MYO1H: variants seen among roughly 807,000 people sequenced by gnomAD.
MYO1H encodes the protein unconventional myosin-Ih.
In MYO1H, 118 loss-of-function variants were observed where a neutral mutation model predicts 149.3. The ratio of observed to expected loss-of-function variants is 0.79; its 90% confidence interval spans 0.68 to 0.92. The LOEUF (loss-of-function observed/expected upper bound fraction) is 0.92, where lower values mean the gene tolerates loss of function less well. MYO1H is among the 40% of genes least tolerant of loss of function. The pLI, the probability that MYO1H is intolerant of heterozygous loss-of-function variation, is 0.00. For missense variants in MYO1H, 1,212 were observed against 1,280.7 expected, an observed-to-expected ratio of 0.95 and a Z score of 0.82; for synonymous variants, 447 against 465.2, an observed-to-expected ratio of 0.96 and a Z score of 0.50.
chr12:109,400,700 C>T (rs573340935), intron 5 of MYO1H, among the ~76,000 whole-genome samples: 1 of 152,260 alleles, frequency 6.6e-6, no homozygotes, highest in Admixed American at 6.5e-5. Context: ...AGCTGATTTA[C>T]AACGAAACCA....
At chr12:109,413,130 C>T (rs751803745) in intron 14 of MYO1H, among the ~76,000 whole-genome samples, 14 of 150,880 alleles carry the variant, frequency 9.3e-5, no homozygotes, top group Non-Finnish European at 1.3e-4. Context: ...TGCGCCATCA[C>T]GCCTGGCTAT....
intron 23 of MYO1H, 120 bp from the exon 24 acceptor site, chr12:109,439,511 A>ACATTCCAGGCCTC: frequency 9.0e-6 from 9 of 1,003,494 alleles, no homozygotes; most frequent in Admixed American, 2.4e-5. Context: ...CCTCTGGCCT[A>ACATTCCAGGCCTC]TGTGGTCATC....
the MYO1H span, among the ~76,000 whole-genome samples, chr12:109,329,764 A>AC: frequency 1.3e-5 from 2 of 152,100 alleles, no homozygotes; most frequent in African/African-American, 4.8e-5. Context: ...AAACAATTCA[A>AC]CCTCATACAT....
At position 109,444,274 on chromosome 12, in the gene MYO1H, C is replaced by CA; in HGVS notation, c.2888dup (p.Gln964AlafsTer14). ...TCATTCATGTTTCACCAGAGGACAG[C>CA]AAGCAAAAGGTAATTGACAGCCACC... On this transcript the variant is annotated frameshift_variant, in exon 29 of 32. Coordinates refer to ENST00000310903, the Ensembl canonical transcript of MYO1H. LOFTEE classifies it high-confidence loss of function. 2 of 1,613,638 alleles carry CA rather than the reference C, an allele frequency of 1.2e-6. No homozygotes were observed. Among genetic ancestry groups the CA allele is most frequent in the Non-Finnish European group, 1.7e-6 (2 of 1,179,584 alleles).
chr12:109,317,818 A>G, the MYO1H span, among the ~76,000 whole-genome samples: 14,265 of 152,248 alleles, frequency 0.094, 711 homozygotes, highest in South Asian at 0.14. Context: ...ACCCTCCCAG[A>G]AGGGCTTTAC....
intron 10 of MYO1H, among the ~76,000 whole-genome samples, 193 bp from the exon 11 acceptor site, chr12:109,409,364 A>T (rs1279243334): frequency 6.7e-6 from 1 of 149,398 alleles, no homozygotes; most frequent in Admixed American, 6.8e-5. Flanking sequence ...ATGGCTATGG[A>T]AGCTGCAGTG....
chr12:109,445,025 C>T (rs1872419520), intron 30 of MYO1H, among the ~76,000 whole-genome samples: 1 of 152,150 alleles, frequency 6.6e-6, no homozygotes, highest in East Asian at 1.9e-4. Context: ...AACTTTTTTC[C>T]GTCTTCATCC....
At chr12:109,356,841 A>C (rs1270703954) in intron 1 of MYO1H, among the ~76,000 whole-genome samples, 1 of 152,234 alleles carries the variant, frequency 6.6e-6, no homozygotes, top group African/African-American at 2.4e-5. Flanking sequence ...AGATAAAAAG[A>C]TAATCCTTCA....
At chr12:109,358,123 G>A (rs1046981901) in intron 1 of MYO1H, among the ~76,000 whole-genome samples, 6 of 151,316 alleles carry the variant, frequency 4.0e-5, no homozygotes, top group Non-Finnish European at 7.4e-5. Context: ...TATCTAGTAT[G>A]TTCTTAGGTT....
Position 109,420,396 on chromosome 12 carries a change from G to A in MYO1H, c.1598-585G>A, listed in dbSNP as rs532827665. Among the ~76,000 whole-genome samples the A allele has an allele frequency of 7.9e-5, 12 of 152,288 alleles. No homozygotes were observed. The East Asian group carries it at 2.1e-3, about 27-fold the overall frequency. ...ATTGGGTAATTTATAAAGAAAAGAG[G>A]TTTAATTAACTCAAAGTTCATCAGG... On this transcript the variant is annotated intron_variant, in intron 15 of 31. Coordinates refer to ENST00000310903, the Ensembl canonical transcript of MYO1H.
At chr12:109,425,990 C>A (rs747876521) in exon 18 of MYO1H, 28 of 1,613,758 alleles carry the variant, frequency 1.7e-5, no homozygotes, top group Non-Finnish European at 2.1e-5. Context: ...TTCTAGAAAC[C>A]CTCATCTCTA....
At position 109,407,768 on chromosome 12, in the gene MYO1H, A is replaced by G. The variant is rs752390118; in HGVS notation, c.1036-26A>G. ...TGGGGGCTTCTTTTTTCCACCTATA[A>G]TGATGCACCTTGTCATTCTTTTCAG... On this transcript the variant is annotated intron_variant, in intron 9 of 31. Transcript: ENST00000310903. 4 of 1,612,010 alleles carry G rather than the reference A, an allele frequency of 2.5e-6. No individual in the cohort carries two copies. The South Asian group carries it at 3.3e-5, about 13-fold the overall frequency.
At chr12:109,434,024 T>C (rs985206983) in intron 20 of MYO1H, among the ~76,000 whole-genome samples, 1 of 152,162 alleles carries the variant, frequency 6.6e-6, no homozygotes, top group Non-Finnish European at 1.5e-5. Flanking sequence ...TTTTATTTTT[T>C]TATTTTTTGA....
At chr12:109,363,351 A>C (rs1344368809) in intron 1 of MYO1H, among the ~76,000 whole-genome samples, 1 of 152,210 alleles carries the variant, frequency 6.6e-6, no homozygotes, top group Non-Finnish European at 1.5e-5. Flanking sequence ...CCTGAAATGC[A>C]GATCTAGGCT....
chr12:109,445,956 A>T (rs1953384895), intron 31 of MYO1H: 16 of 985,470 alleles, frequency 1.6e-5, no homozygotes, highest in Non-Finnish European at 1.9e-5. Context: ...CCCCACGTGG[A>T]AATCAATGCG....
rs185898012 is a variant in MYO1H, at chr12:109,359,992, G to T, written c.12+12020G>T. ...CTCCCCGCGACCTCTGTCCTGTTCC[G>T]GCGGCCGGACGGTCAGCCCTTTACA... On this transcript the variant is annotated intron_variant, in intron 1 of 31. Coordinates refer to ENST00000310903, the Ensembl canonical transcript of MYO1H. 2.2e-3 allele frequency among the ~76,000 whole-genome samples: 336 copies of T among 152,268 alleles called. 3 individuals carry two copies. The highest frequency in any genetic ancestry group is 7.9e-3 in the African/African-American group (329 of 41,552).
chr12:109,410,141 A>AT (rs61109384), intron 12 of MYO1H, 73 bp downstream of exon 12: 14,844 of 721,162 alleles, frequency 0.021, 123 homozygotes, highest in South Asian at 0.042. Flanking sequence ...AATTTAATTA[A>AT]TTTTTTTTTT....
chr12:109,371,169 G>A (rs929156486), intron 1 of MYO1H, among the ~76,000 whole-genome samples: 2 of 150,446 alleles, frequency 1.3e-5, no homozygotes, highest in Non-Finnish European at 3.0e-5. Context: ...GACTTTATAA[G>A]CATCTATGTG....
At chr12:109,347,587 TTTTTTTTC>T (rs977916999), upstream of MYO1H, among the ~76,000 whole-genome samples, 23 of 72,974 alleles carry the variant, frequency 3.2e-4, no homozygotes, top group Non-Finnish European at 7.2e-4. Context: ...TTCTTTTCTT[TTTTTTTTC>T]TTTTTTTCTT....
Sources: allele counts gnomAD v4.1 joint callset (sites outside exome capture counted in the v4.1 genomes callset), GRCh38; gene constraint gnomAD v4.1.1; transcripts MANE v1.5; gene names NCBI Gene and HGNC (gene_info 2026-07-23, HGNC 2026-07-21).